Variants in OSBP observed in about 807,000 individuals in gnomAD.
The protein encoded by OSBP is oxysterol binding protein.
A neutral mutation model predicts 96.6 loss-of-function variants in OSBP; 32 were observed. That is an observed-to-expected ratio of 0.33 (90% CI 0.25 to 0.45). The LOEUF is 0.45. Ranked by LOEUF, OSBP falls within the 20% of genes least tolerant of loss-of-function variation. The pLI is 1.00. For missense variants in OSBP, 653 were observed against 1,029.7 expected (o/e 0.63, Z 5.01); for synonymous variants, 369 against 389.6 (o/e 0.95, Z 0.62).
chr11:59,590,267 C>G (rs1860560826), intron 9 of OSBP, among the ~76,000 whole-genome samples: 1 of 152,140 alleles, frequency 6.6e-6, no homozygotes. Flanking sequence ...CTTAAAACTG[C>G]CTTATCTTGT....
chr11:59,601,458 A>G, intron 4 of OSBP, 73 bp from the exon 5 acceptor site: 1 of 1,257,714 alleles, frequency 8.0e-7, no homozygotes, highest in Non-Finnish European at 1.2e-6. Flanking sequence ...AGTTCTTTTA[A>G]ATACTAACCA....
At chr11:59,608,921 C>G (rs1488384415) in intron 2 of OSBP, among the ~76,000 whole-genome samples, 187 bp from the exon 3 acceptor site, 3 of 152,178 alleles carry the variant, frequency 2.0e-5, no homozygotes, top group Non-Finnish European at 1.5e-5. Context: ...ACAAACACCC[C>G]AGGTCCTTCT....
chr11:59,581,811 G>A (rs1860424900), intron 9 of OSBP, among the ~76,000 whole-genome samples: 2 of 152,168 alleles, frequency 1.3e-5, no homozygotes, highest in Non-Finnish European at 2.9e-5. Flanking sequence ...CCTTAGCTAG[G>A]ACGCTGTGTT....
intron 9 of OSBP, among the ~76,000 whole-genome samples, chr11:59,590,044 G>A (rs1860558471): frequency 6.6e-6 from 1 of 151,878 alleles, no homozygotes; most frequent in Non-Finnish European, 1.5e-5. Context: ...GGAAACTTCA[G>A]TTATATTTTC....
chr11:59,592,380 T>A (rs1212595997), intron 9 of OSBP, among the ~76,000 whole-genome samples: 2 of 152,232 alleles, frequency 1.3e-5, no homozygotes, highest in East Asian at 3.8e-4. Flanking sequence ...GTTTGCACTA[T>A]GTTTGCTGCA....
intron 2 of OSBP, 26 bp downstream of exon 2, chr11:59,610,355 C>G: frequency 1.2e-6 from 2 of 1,602,052 alleles, no homozygotes; most frequent in Non-Finnish European, 8.5e-7. Context: ...AGAAAGTTCC[C>G]CAGGCAGGTG....
At chr11:59,587,501 C>CA (rs745655455) in intron 9 of OSBP, among the ~76,000 whole-genome samples, 11,629 of 111,280 alleles carry the variant, frequency 0.1, 728 homozygotes, top group African/African-American at 0.22. Context: ...GACTCCATGT[C>CA]AAAAAAAAAA....
At position 59,601,285 on chromosome 11, in the gene OSBP, G is replaced by A; in HGVS notation, c.1122C>T (p.His374=). ...TTCAACAATCAAGGATAACTCACTT[G>A]TGGCCCAAATTTTCAGGCATGGTGA... ...EIITMPENLG[H]KRTGSNISGA... is the part of the protein sequence containing the mutation. The change falls in exon 5 of 14, where the codon CAC becomes CAT. Residue 374 remains histidine, a splice_region_variant and synonymous_variant. Coordinates refer to ENST00000263847, the MANE Select transcript of OSBP (RefSeq NM_002556.3). The A allele has an allele frequency of 6.3e-7, 1 of 1,588,420 alleles. No homozygotes were observed. Among genetic ancestry groups the A allele is most frequent in the Non-Finnish European group, 8.6e-7 (1 of 1,156,900 alleles).
intron 10 of OSBP, among the ~76,000 whole-genome samples, chr11:59,581,250 G>A (rs185560798): frequency 1.3e-5 from 2 of 152,286 alleles, no homozygotes; most frequent in East Asian, 3.9e-4. Flanking sequence ...TTATAATTTG[G>A]TCATTTATAA....
chr11:59,587,661 C>G (rs1360698637), intron 9 of OSBP, among the ~76,000 whole-genome samples: 1 of 152,142 alleles, frequency 6.6e-6, no homozygotes, highest in Non-Finnish European at 1.5e-5. Context: ...ATTAGGATAG[C>G]TATGATACAT....
intron 7 of OSBP, among the ~76,000 whole-genome samples, chr11:59,595,532 A>AT (rs1006432140): frequency 6.6e-6 from 1 of 152,176 alleles, no homozygotes; most frequent in Non-Finnish European, 1.5e-5. Flanking sequence ...ATATCGTATA[A>AT]TTTTTAACTG....
chr11:59,610,441 G>T lies in OSBP; in HGVS notation c.511C>A (p.Arg171Ser). Reference sequence around the variant, plus strand: ...GCCAGTTCCAGGGCCGTCACCCAGCGCTGCCGCTCAACTTCTGAACTAGCT... The same window carrying T: ...GCCAGTTCCAGGGCCGTCACCCAGCTCTGCCGCTCAACTTCTGAACTAGCT... ...LKASSEVERQRWVTALELAKA... is the reference protein window; with the variant it reads ...LKASSEVERQSWVTALELAKA... Residue 171 changes from arginine to serine, a missense_variant, in exon 2 of 14, where the codon CGC (arginine) becomes AGC (serine). Around this residue, in one of 6 missense-constraint regions of OSBP, gnomAD observed 308 missense variants for 573.1 expected, o/e 0.54. Coordinates refer to ENST00000263847, the MANE Select transcript of OSBP (RefSeq NM_002556.3). 6.2e-7 allele frequency: 1 copy of T among 1,614,034 alleles called. No individual in the cohort carries two copies. The highest frequency in any genetic ancestry group is 8.5e-7 in the Non-Finnish European group (1 of 1,180,026).
chr11:59,598,913 G>A (rs1458870826), intron 7 of OSBP, among the ~76,000 whole-genome samples: 1 of 152,174 alleles, frequency 6.6e-6, no homozygotes, highest in African/African-American at 2.4e-5. Context: ...AAATGGTACA[G>A]CCTTTCCTCT....
chr11:59,607,475 T>G (rs1043757113), intron 3 of OSBP, among the ~76,000 whole-genome samples: 1 of 152,152 alleles, frequency 6.6e-6, no homozygotes, highest in African/African-American at 2.4e-5. Context: ...TATCCAACTA[T>G]CTATTAAGTA....
chr11:59,576,746 A>G, intron 13 of OSBP, 27 bp from the exon 14 acceptor site: 1 of 1,612,170 alleles, frequency 6.2e-7, no homozygotes, highest in Middle Eastern at 1.7e-4. Context: ...GGAAAGAAAA[A>G]AATTAGTGCT....
rs1463716884 is a variant in OSBP at position 59,593,950 on chromosome 11, A to C, written c.1557+60T>G. ...TGCAAACATAAGACCCAGGGGATTA[A>C]CCAAAAAATCATCTCTTTCTTCAGA... On this transcript the variant is annotated intron_variant, in intron 8 of 13. Coordinates refer to ENST00000263847, the MANE Select transcript of OSBP (RefSeq NM_002556.3). 1.9e-6 allele frequency: 3 copies of C among 1,591,806 alleles called. No homozygotes were observed. In the South Asian group the frequency reaches 3.4e-5, roughly 18 times the overall value.
chr11:59,577,142 G>A, intron 12 of OSBP, 117 bp from the exon 13 acceptor site: 1 of 809,382 alleles, frequency 1.2e-6, no homozygotes, highest in Non-Finnish European at 1.9e-6. Flanking sequence ...ACAAAAACAG[G>A]ATCTGTGAAA....
At chr11:59,593,402 C>T (rs1860609358) in intron 9 of OSBP, 4 of 564,514 alleles carry the variant, frequency 7.1e-6, no homozygotes, top group Non-Finnish European at 1.3e-5. Flanking sequence ...GAATTTAGGA[C>T]TAGATGGGTC....
chr11:59,600,455 G>C, intron 7 of OSBP, 41 bp downstream of exon 7: 1 of 1,607,386 alleles, frequency 6.2e-7, no homozygotes, highest in Non-Finnish European at 8.5e-7. Context: ...TGAGGCTTGA[G>C]AGGAACTCCT....
Sources: allele counts gnomAD v4.1 joint callset (sites outside exome capture counted in the v4.1 genomes callset), GRCh38; gene constraint gnomAD v4.1.1; regional missense constraint gnomAD v4.1.1; transcripts MANE v1.5; gene names NCBI Gene and HGNC (gene_info 2026-07-23, HGNC 2026-07-21).